The following INMT variants were observed in gnomAD, a reference collection of about 807,000 sequenced individuals.
The protein encoded by INMT is indolethylamine N-methyltransferase.
In INMT, 11 loss-of-function variants were observed where a neutral mutation model predicts 11.5. That is an observed-to-expected ratio of 0.95 (90% CI 0.60 to 1.58). The LOEUF is 1.58. Ranked by LOEUF, INMT falls within the 40% of genes most tolerant of loss-of-function variation. The pLI is 0.00. For synonymous variants in INMT, 155 were observed against 142.9 expected (o/e 1.08, Z -0.60); for missense variants, 316 against 336.1 (o/e 0.94, Z 0.47).
Position 30,754,055 on chromosome 7 carries a change from C to A in INMT, c.362+117C>A. 1 of 1,004,752 alleles carries A rather than the reference C, an allele frequency of 1.0e-6. No homozygotes were observed. Among genetic ancestry groups the A allele is most frequent in the Non-Finnish European group, 1.5e-6 (1 of 676,396 alleles). 62.2% of individuals were successfully genotyped at this position (1,004,752 alleles called of 1,614,324 possible). ...ACAGTAGGACCTTCAGGTATAGGAC[C>A]AGATGTCCTGTGGTGGGGATAGAGT... On this transcript the variant is annotated intron_variant, in intron 2 of 2. Transcript: ENST00000013222. The surrounding 1 kb of genome is among the most constrained non-coding windows in gnomAD (Gnocchi z 4.9).
rs1786259740 is a variant in INMT, at chr7:30,756,536, T to A, written c.*685T>A. ...CATTCTCCTGCCTCAGCCTCCCGTGTAGCTGGGACTACAGGCACGCGCCAC... is the reference window on the plus strand; with the variant it reads ...CATTCTCCTGCCTCAGCCTCCCGTGAAGCTGGGACTACAGGCACGCGCCAC... On this transcript the variant is annotated 3_prime_UTR_variant, in exon 3 of 3. Coordinates refer to ENST00000013222, the MANE Select transcript of INMT (RefSeq NM_006774.5). The A allele has an allele frequency of 6.6e-6, 1 of 151,946 alleles. No individual in the cohort carries two copies. Among genetic ancestry groups the A allele is most frequent in the Non-Finnish European group, 1.5e-5 (1 of 68,030 alleles). 9.4% of individuals were successfully genotyped at this position (151,946 alleles called of 1,614,324 possible). A position where few individuals can be genotyped will look rare whatever the true frequency, so the allele number is the denominator to read the frequency against.
rs1049128357 is a variant in INMT, at chr7:30,754,307, C to T, written c.362+369C>T. Among the ~76,000 whole-genome samples the T allele has an allele frequency of 2.6e-4, 40 of 151,866 alleles. No homozygotes were observed. Among genetic ancestry groups the T allele is most frequent in the African/African-American group, 9.2e-4 (38 of 41,352 alleles). On this transcript the variant is annotated intron_variant, in intron 2 of 2. Transcript: ENST00000013222. The surrounding 1 kb of genome is among the most constrained non-coding windows in gnomAD (Gnocchi z 4.9). ...TCCATCCGTCCACCCACCGGTTCAT[C>T]CATTCATCCATCCATCCATCCATCC...
At chr7:30,753,987 C>T in intron 2 of INMT, 49 bp downstream of exon 2, 1 of 1,578,898 alleles carries the variant, frequency 6.3e-7, no homozygotes, top group Non-Finnish European at 8.7e-7. Flanking sequence ...CCTTCTTTCT[C>T]AGAAGTCTCC....
rs1786175007 is a variant in INMT, at chr7:30,754,497, A to G, written c.362+559A>G. ...TTCATCCATCCATATCCATCCATCC[A>G]TCCATCCATCCACCCATTCATATCC... On this transcript the variant is annotated intron_variant, in intron 2 of 2. Coordinates refer to ENST00000013222, the MANE Select transcript of INMT (RefSeq NM_006774.5). This position sits in a 1 kb window ranked among gnomAD's most constrained non-coding sequence, Gnocchi z 4.9. Among the ~76,000 whole-genome samples the G allele has an allele frequency of 6.6e-6, 1 of 150,718 alleles. No individual in the cohort carries two copies. Among genetic ancestry groups the G allele is most frequent in the Admixed American group, 6.6e-5 (1 of 15,154 alleles).
At chr7:30,753,242 C>G (rs1264079109) in intron 1 of INMT, among the ~76,000 whole-genome samples, 1 of 152,198 alleles carries the variant, frequency 6.6e-6, no homozygotes, top group Admixed American at 6.5e-5. Context: ...TCACCCCTCC[C>G]TCCTCCAAGG....
intron 1 of INMT, among the ~76,000 whole-genome samples, chr7:30,753,206 C>T (rs116950232): frequency 1.3e-4 from 20 of 152,308 alleles, no homozygotes; most frequent in Non-Finnish European, 2.6e-4. Flanking sequence ...ATCTCCTTAG[C>T]CCCGGCTTCC....
rs1786179898 is a variant in INMT at position 30,754,583 on chromosome 7, C to A, written c.362+645C>A. 6.6e-6 allele frequency among the ~76,000 whole-genome samples: 1 copy of A among 151,332 alleles called. No homozygotes were observed. Among genetic ancestry groups the A allele is most frequent in the South Asian group, 2.1e-4 (1 of 4,738 alleles). On this transcript the variant is annotated intron_variant, in intron 2 of 2. Coordinates refer to ENST00000013222, the MANE Select transcript of INMT (RefSeq NM_006774.5). This position sits in a 1 kb window ranked among gnomAD's most constrained non-coding sequence, Gnocchi z 4.9. The stretch of plus-strand genomic sequence containing the variant: ...TCTATCCATCCATCCACCCATCCAT[C>A]CATATCCATCTATACATCCATCAAT...
In INMT at chr7:30,755,568, G is replaced by C; in HGVS notation, c.509G>C (p.Cys170Ser). The change falls in exon 3 of 3, where the codon TGC (cysteine) becomes TCC (serine). Residue 170 changes from cysteine (C) to serine (S), a missense_variant. Physicochemically the swap from Cys to Ser is moderately radical, Grantham distance 112 (BLOSUM62 -1). Transcript: ENST00000013222. Reference protein sequence around the residue: ...VLTLLAMECACCSLDAYRAAL... With the variant: ...VLTLLAMECASCSLDAYRAAL... ...ACCCTGCTGGCCATGGAGTGTGCCT[G>C]CTGTAGCCTTGATGCCTACCGCGCT... 2 of 1,613,742 alleles carry C rather than the reference G, an allele frequency of 1.2e-6. No homozygotes were observed. The highest frequency in any genetic ancestry group is 1.7e-6 in the Non-Finnish European group (2 of 1,180,048).
At position 30,755,406 on chromosome 7, in the gene INMT, C is replaced by G; in HGVS notation, c.363-16C>G. On this transcript the variant is annotated splice_polypyrimidine_tract_variant and intron_variant, in intron 2 of 2. Coordinates refer to ENST00000013222, the MANE Select transcript of INMT (RefSeq NM_006774.5). ...AACCTCAAAGGGCCTCCCCGACTCC[C>G]TCTCTCTCTCTGCAGCGGCCGATGG... 1 of 1,421,290 alleles carries G rather than the reference C, an allele frequency of 7.0e-7. No individual in the cohort carries two copies. Among genetic ancestry groups the G allele is most frequent in the South Asian group, 1.3e-5 (1 of 75,766 alleles). 88.0% of individuals were successfully genotyped at this position (1,421,290 alleles called of 1,614,324 possible). A position where few individuals can be genotyped will look rare whatever the true frequency, so the allele number is the denominator to read the frequency against.
chr7:30,752,199 C>T lies in INMT; in HGVS notation c.49C>T (p.Pro17Ser), dbSNP rs867912295. 1.9e-6 allele frequency: 3 copies of T among 1,614,052 alleles called. No individual in the cohort carries two copies. Among genetic ancestry groups the T allele is most frequent in the Middle Eastern group, 1.7e-4 (1 of 6,060 alleles). Residue 17 changes from proline (P) to serine (S), a missense_variant, in exon 1 of 3, where the codon CCC becomes TCC. By Grantham distance (74) the Pro-to-Ser change is moderately conservative. Transcript: ENST00000013222. ...TGATGAGTACCAGAAGCACTTCCTG[C>T]CCAGGGACTACTTGGCTACTTACTA... The part of the protein sequence containing the change: ...GGDEYQKHFL[P>S]RDYLATYYSF...
Position 30,752,289 on chromosome 7 carries a change from A to G in INMT, c.139A>G (p.Lys47Glu), listed in dbSNP as rs775556174. 2.5e-6 allele frequency: 4 copies of G among 1,613,952 alleles called. No individual in the cohort carries two copies. Among genetic ancestry groups the G allele is most frequent in the Admixed American group, 3.3e-5 (2 of 60,022 alleles). ...GAAGTTTAACTTGGAATGTCTCCAC[A>G]AGACCTTCGGCCCTGGTGAGCAGAG... Reference protein sequence around the residue: ...MLKFNLECLHKTFGPGGLQGD... With the variant: ...MLKFNLECLHETFGPGGLQGD... Residue 47 changes from lysine to glutamate, a missense_variant, in exon 1 of 3, where the codon AAG becomes GAG. Lys to Glu is a moderately conservative substitution (Grantham distance 56). Coordinates refer to ENST00000013222, the MANE Select transcript of INMT (RefSeq NM_006774.5).
At chr7:30,753,007 G>A (rs919235376) in intron 1 of INMT, among the ~76,000 whole-genome samples, 1 of 152,206 alleles carries the variant, frequency 6.6e-6, no homozygotes. Flanking sequence ...GGGTTAAAAG[G>A]CTGCTGAGCC....
chr7:30,753,610 C>T (rs1710743753), intron 1 of INMT, 121 bp from the exon 2 acceptor site: 3 of 839,030 alleles, frequency 3.6e-6, no homozygotes, highest in Admixed American at 4.2e-5. Context: ...AGCTGCCAAT[C>T]CGTGATAACC....
rs1786291177 is a variant in INMT at position 30,757,267 on chromosome 7, G to A, written c.*1416G>A. 1 of 164,100 alleles carries A rather than the reference G, an allele frequency of 6.1e-6. No homozygotes were observed. The highest frequency in any genetic ancestry group is 6.5e-5 in the Admixed American group (1 of 15,446). The allele number at this position is 164,100 out of a possible 1,614,324, so 10.2% of individuals were successfully genotyped here. On this transcript the variant is annotated 3_prime_UTR_variant, in exon 3 of 3. Coordinates refer to ENST00000013222, the MANE Select transcript of INMT (RefSeq NM_006774.5). Reference sequence around the variant, plus strand: ...TCTGAGCCACTGTTGTCTGTAAAAGGTAATTGTCCTGCTAATGCTGTACAG... The same window carrying A: ...TCTGAGCCACTGTTGTCTGTAAAAGATAATTGTCCTGCTAATGCTGTACAG...
chr7:30,753,335 A>C (rs4723011), intron 1 of INMT, among the ~76,000 whole-genome samples: 136,047 of 152,256 alleles, frequency 0.89, 60,894 homozygotes, highest in Admixed American at 0.92. Context: ...AGGGCCACTG[A>C]CCCCAGCATG....
At position 30,755,702 on chromosome 7, in the gene INMT, G is replaced by A. The variant is rs549185096; in HGVS notation, c.643G>A (p.Ala215Thr). 40 of 1,614,244 alleles carry A rather than the reference G, an allele frequency of 2.5e-5. No homozygotes were observed. The African/African-American group carries it at 4.9e-4, about 20-fold the overall frequency. The change falls in exon 3 of 3, where the codon GCC (alanine) becomes ACC (threonine). Residue 215 changes from alanine (A) to threonine (T), a missense_variant. By Grantham distance (58) the Ala-to-Thr change is moderately conservative. Coordinates refer to ENST00000013222, the MANE Select transcript of INMT (RefSeq NM_006774.5). ...MVGKREFSCV[A>T]LEKEEVEQAV... The stretch of plus-strand genomic sequence containing the variant: ...GGGGAAGCGTGAATTTTCCTGCGTG[G>A]CCCTGGAGAAAGAGGAGGTGGAGCA...
chr7:30,753,888 C>T lies in INMT; in HGVS notation c.312C>T (p.Ala104=). Residue 104 remains alanine (A), a synonymous_variant, in exon 2 of 3, where the codon GCC becomes GCT. Coordinates refer to ENST00000013222, the MANE Select transcript of INMT (RefSeq NM_006774.5). ...LEKWLKKEPG[A]YDWTPAVKFA... ...AGTGGCTGAAGAAGGAGCCGGGGGC[C>T]TATGACTGGACCCCAGCGGTGAAAT... The T allele has an allele frequency of 1.2e-6, 2 of 1,614,182 alleles. No homozygotes were observed. Among genetic ancestry groups the T allele is most frequent in the Non-Finnish European group, 1.7e-6 (2 of 1,180,020 alleles).
rs558249086 is a variant in INMT, at chr7:30,755,665, G to A, written c.606G>A (p.Pro202=). 75 of 1,614,206 alleles carry A rather than the reference G, an allele frequency of 4.6e-5. 2 individuals are homozygous for A. The highest frequency in any genetic ancestry group is 1.5e-4 in the African/African-American group (11 of 75,066). Residue 202 remains proline, a synonymous_variant, in exon 3 of 3, where the codon CCG becomes CCA. Coordinates refer to ENST00000013222, the MANE Select transcript of INMT (RefSeq NM_006774.5). ...TGACCACTGTCACGCTTCGGCTCCC[G>A]TCCTACATGGTGGGGAAGCGTGAAT... ...HLVTTVTLRL[P]SYMVGKREFS...
At position 30,755,000 on chromosome 7, in the gene INMT, G is replaced by T. The variant is rs1339710299; in HGVS notation, c.363-422G>T. 1.3e-5 allele frequency among the ~76,000 whole-genome samples: 2 copies of T among 151,966 alleles called. No individual in the cohort carries two copies. Among genetic ancestry groups the T allele is most frequent in the Admixed American group, 1.3e-4 (2 of 15,244 alleles). On this transcript the variant is annotated intron_variant, in intron 2 of 2. Transcript: ENST00000013222. This position sits in a 1 kb window ranked among gnomAD's most constrained non-coding sequence, Gnocchi z 4.9. Reference sequence around the variant, plus strand: ...TTTGAGCTTTATAGCAGAGTAATTTGCTCTGTGTCATTTGCGATTTGCTTT... The same window carrying T: ...TTTGAGCTTTATAGCAGAGTAATTTTCTCTGTGTCATTTGCGATTTGCTTT...
Sources: allele counts gnomAD v4.1 joint callset (sites outside exome capture counted in the v4.1 genomes callset), GRCh38; gene constraint gnomAD v4.1.1; non-coding constraint Gnocchi (gnomAD v3.1); transcripts MANE v1.5; gene names NCBI Gene and HGNC (gene_info 2026-07-23, HGNC 2026-07-21).